PSD3: variants seen among roughly 807,000 people sequenced by gnomAD.
The protein encoded by PSD3 is pleckstrin and Sec7 domain containing 3.
A neutral mutation model predicts 105.5 loss-of-function variants in PSD3; 49 were observed. The ratio of observed to expected loss-of-function variants is 0.46; its 90% CI spans 0.37 to 0.59. PSD3 has a LOEUF of 0.59. Ranked by LOEUF, PSD3 falls within the 20% of genes least tolerant of loss-of-function variation. The probability of loss-of-function intolerance (pLI) is 0.00; values close to 1 mark genes in which losing one functional copy is unlikely to be tolerated. For missense variants in PSD3, 1,561 were observed against 1,263.8 expected (o/e 1.24, Z -3.57); for synonymous variants, 557 against 457.8 (o/e 1.22, Z -2.77).
chr8:18,710,021 A>T (rs546882284), intron 9 of PSD3, among the ~76,000 whole-genome samples: 53 of 152,356 alleles, frequency 3.5e-4, no homozygotes, highest in Middle Eastern at 3.4e-3. Context: ...AGTAAGCTTC[A>T]CAAGGTGGTA....
At chr8:18,732,274 C>A (rs1355785969) in intron 9 of PSD3, among the ~76,000 whole-genome samples, 2 of 152,066 alleles carry the variant, frequency 1.3e-5, no homozygotes, top group Admixed American at 6.6e-5. Flanking sequence ...GATGGACATA[C>A]GGAGTCATAG....
intron 1 of PSD3, among the ~76,000 whole-genome samples, chr8:18,970,181 C>T (rs4265219): frequency 0.12 from 17,380 of 150,944 alleles, 1,243 homozygotes; most frequent in Non-Finnish European, 0.17. Context: ...AAAAATTAGC[C>T]GGGCGTGGTG....
In PSD3 at chr8:19,051,300, G is replaced by C. The variant is rs540449717; in HGVS notation, c.324+32906C>G. Among the ~76,000 whole-genome samples, 60 of 152,206 alleles carry C rather than the reference G, an allele frequency of 3.9e-4. No homozygotes were observed. The South Asian group carries it at 0.012, about 30-fold the overall frequency. ...TTCAGTTCCATTATCCAGGTCCTAA[G>C]AAGGCTTTCCTGCTTTCTGGGATCA... On this transcript the variant is annotated intron_variant, in intron 1 of 1. Coordinates refer to the PSD3 transcript ENST00000521475.
At chr8:18,603,921 C>T (rs1448457995) in intron 11 of PSD3, among the ~76,000 whole-genome samples, 3 of 152,282 alleles carry the variant, frequency 2.0e-5, no homozygotes, top group East Asian at 1.9e-4. Flanking sequence ...GCTTCCTGTA[C>T]AGCCTGCAGA....
chr8:18,838,483 G>C (rs1041610322), intron 4 of PSD3, among the ~76,000 whole-genome samples: 1 of 152,110 alleles, frequency 6.6e-6, no homozygotes, highest in Admixed American at 6.6e-5. Context: ...AACTGAGTAT[G>C]TGCAAACCAA....
Position 18,801,394 on chromosome 8 carries a change from T to A in PSD3, c.1911-12A>T, listed in dbSNP as rs935006897. On this transcript the variant is annotated splice_polypyrimidine_tract_variant and intron_variant, in intron 6 of 15. Transcript: ENST00000327040. Reference sequence around the variant, plus strand: ...CTTTAAAGAAATACCTACAAGAGAATTAAAAATTTAAACAGTGAAATTTTC... The same window carrying A: ...CTTTAAAGAAATACCTACAAGAGAAATAAAAATTTAAACAGTGAAATTTTC... 3 of 1,513,986 alleles carry A rather than the reference T, an allele frequency of 2.0e-6. No homozygotes were observed. Among genetic ancestry groups the A allele is most frequent in the Non-Finnish European group, 2.7e-6 (3 of 1,100,558 alleles). 93.8% of individuals were successfully genotyped at this position (1,513,986 alleles called of 1,614,324 possible).
At chr8:19,010,672 C>A (rs1412264895) in intron 1 of PSD3, among the ~76,000 whole-genome samples, 2 of 152,044 alleles carry the variant, frequency 1.3e-5, no homozygotes, top group African/African-American at 4.8e-5. Context: ...CACTTAAATT[C>A]TTTCCAGCAA....
Position 19,019,206 on chromosome 8 carries a change from CCCCAGGCTTCAGGTTA to C in PSD3, c.324+64984_324+64999del, listed in dbSNP as rs1397796719. Among the ~76,000 whole-genome samples, 4 of 152,216 alleles carry C rather than the reference CCCCAGGCTTCAGGTTA, an allele frequency of 2.6e-5. No homozygotes were observed. In the South Asian group the frequency reaches 6.2e-4, roughly 24 times the overall value. ...AAGGAATCATGAAAACAGATGAGTT[CCCCAGGCTTCAGGTTA>C]ATGCTTTAAACTTAAAACTCATCAA... On this transcript the variant is annotated intron_variant, in intron 1 of 1. Coordinates refer to the PSD3 transcript ENST00000521475.
At chr8:18,572,364 A>C (rs1802195836) in intron 14 of PSD3, among the ~76,000 whole-genome samples, 164 bp downstream of exon 14, 1 of 152,202 alleles carries the variant, frequency 6.6e-6, no homozygotes, top group East Asian at 1.9e-4. Flanking sequence ...ATGAAGTGTA[A>C]AACCCAGTGT....
At chr8:18,724,104 G>T (rs1374494388) in intron 9 of PSD3, among the ~76,000 whole-genome samples, 1 of 152,144 alleles carries the variant, frequency 6.6e-6, no homozygotes, top group Non-Finnish European at 1.5e-5. Flanking sequence ...CTAAAAAGAA[G>T]ATGAAAATAT....
At chr8:18,580,527 G>C (rs139972377) in intron 12 of PSD3, among the ~76,000 whole-genome samples, 1 of 152,018 alleles carries the variant, frequency 6.6e-6, no homozygotes, top group Non-Finnish European at 1.5e-5. Flanking sequence ...TCCAGCCTGG[G>C]TGAAACAGTG....
At chr8:18,774,739 T>C (rs1375947018) in intron 8 of PSD3, 7 of 367,454 alleles carry the variant, frequency 1.9e-5, no homozygotes, top group South Asian at 1.2e-4. Flanking sequence ...GTTTGGCTAA[T>C]GACGGTGAGA....
chr8:18,964,252 T>C (rs536028929), intron 1 of PSD3, among the ~76,000 whole-genome samples: 62 of 152,252 alleles, frequency 4.1e-4, no homozygotes, highest in Non-Finnish European at 6.2e-4. Flanking sequence ...GCCATCCCAG[T>C]AGCTGGGACT....
chr8:18,682,929 C>G (rs1800467661), intron 9 of PSD3, among the ~76,000 whole-genome samples: 2 of 152,024 alleles, frequency 1.3e-5, no homozygotes, highest in Admixed American at 1.3e-4. Context: ...TTATCAAGCC[C>G]ATGAATCTCC....
chr8:18,831,632 G>C (rs962856954), intron 4 of PSD3, among the ~76,000 whole-genome samples: 1 of 152,184 alleles, frequency 6.6e-6, no homozygotes, highest in Non-Finnish European at 1.5e-5. Context: ...TGAGGAAGGA[G>C]AATTGCTTGA....
At chr8:18,626,829 G>A (rs992630508) in intron 11 of PSD3, among the ~76,000 whole-genome samples, 10 of 152,060 alleles carry the variant, frequency 6.6e-5, no homozygotes, top group Non-Finnish European at 1.2e-4. Flanking sequence ...AGGATTAGAC[G>A]GGAAGGAAAC....
intron 11 of PSD3, among the ~76,000 whole-genome samples, chr8:18,610,067 A>G (rs1805142013): frequency 6.6e-6 from 1 of 152,214 alleles, no homozygotes; most frequent in Non-Finnish European, 1.5e-5. Flanking sequence ...GAAACACTTA[A>G]GGCAATTTAC....
intron 11 of PSD3, among the ~76,000 whole-genome samples, chr8:18,607,762 T>C (rs1396180981): frequency 3.4e-5 from 5 of 147,566 alleles, no homozygotes; most frequent in African/African-American, 7.4e-5. Flanking sequence ...AAGATGTACC[T>C]ATGACTGGGT....
intron 15 of PSD3, among the ~76,000 whole-genome samples, chr8:18,554,461 T>C (rs75095811): frequency 0.023 from 3,575 of 152,318 alleles, 65 homozygotes; most frequent in East Asian, 0.084. Context: ...CGTTTACCTT[T>C]ACCAAAATAA....
Sources: allele counts gnomAD v4.1 joint callset (sites outside exome capture counted in the v4.1 genomes callset), GRCh38; gene constraint gnomAD v4.1.1; transcripts MANE v1.5; gene names NCBI Gene and HGNC (gene_info 2026-07-23, HGNC 2026-07-21).